The following KLHL14 variants were observed in gnomAD, a reference collection of about 807,000 sequenced individuals.
KLHL14 encodes the protein kelch like family member 14, also known as kelch-like protein 14.
A neutral mutation model predicts 64.3 loss-of-function variants in KLHL14; 22 were observed. The observed-to-expected ratio is 0.34, with a 90% CI of 0.24 to 0.49. The LOEUF is 0.49. Among genes scored for constraint, KLHL14 ranks in the 20% least tolerant of loss-of-function variants. The pLI is 0.99. For missense variants in KLHL14, 661 were observed against 789.0 expected (o/e 0.84, Z 1.94); for synonymous variants, 322 against 333.4 (o/e 0.97, Z 0.37).
At chr18:32,743,499 T>C (rs1426745447) in intron 2 of KLHL14, 1 of 152,174 alleles carries the variant, frequency 6.6e-6, no homozygotes, top group Admixed American at 6.5e-5. Flanking sequence ...TTCTGGAGAA[T>C]TGTCCATAGT....
At chr18:32,706,855 C>T (rs1276794270) in intron 3 of KLHL14, among the ~76,000 whole-genome samples, 4 of 152,100 alleles carry the variant, frequency 2.6e-5, no homozygotes, top group African/African-American at 9.7e-5. Flanking sequence ...TGCATGTCTC[C>T]TGGAGCTTGA....
chr18:32,701,469 G>C (rs1423362524), intron 3 of KLHL14, among the ~76,000 whole-genome samples: 2 of 152,176 alleles, frequency 1.3e-5, no homozygotes, highest in East Asian at 3.9e-4. Context: ...GAGAAAGCCT[G>C]TGTGTTGTGA....
chr18:32,752,955 T>TTG (rs71177874), intron 2 of KLHL14, among the ~76,000 whole-genome samples: 28,142 of 142,036 alleles, frequency 0.2, 3,400 homozygotes, highest in East Asian at 0.48. Flanking sequence ...AGCATCATAT[T>TTG]TGTGTGTGTG....
chr18:32,750,277 T>C (rs1174171226), intron 2 of KLHL14, among the ~76,000 whole-genome samples: 2 of 152,174 alleles, frequency 1.3e-5, no homozygotes, highest in African/African-American at 2.4e-5. Context: ...TAGGGGTTCA[T>C]AGCAATTTCT....
intron 2 of KLHL14, among the ~76,000 whole-genome samples, chr18:32,765,326 G>T (rs1316613092): frequency 6.6e-6 from 1 of 152,114 alleles, no homozygotes; most frequent in Admixed American, 6.5e-5. Flanking sequence ...TCATAAAAAT[G>T]GTAAAAATAC....
intron 3 of KLHL14, among the ~76,000 whole-genome samples, chr18:32,727,609 C>T (rs984776675): frequency 2.6e-5 from 4 of 152,060 alleles, no homozygotes; most frequent in African/African-American, 9.7e-5. Context: ...AGGGAAATGA[C>T]TTGGGTTTTG....
intron 2 of KLHL14, among the ~76,000 whole-genome samples, chr18:32,757,204 T>C (rs2050286485): frequency 6.6e-6 from 1 of 152,206 alleles, no homozygotes; most frequent in South Asian, 2.1e-4. Context: ...ATCCACACAC[T>C]AGAAGCGACA....
At chr18:32,750,261 G>A (rs1033637267) in intron 2 of KLHL14, among the ~76,000 whole-genome samples, 2 of 152,070 alleles carry the variant, frequency 1.3e-5, no homozygotes, top group Non-Finnish European at 1.5e-5. Context: ...ACAGGCCAGA[G>A]GATTATAGGG....
chr18:32,699,730 A>C (rs1481650382), intron 3 of KLHL14, among the ~76,000 whole-genome samples: 1 of 152,172 alleles, frequency 6.6e-6, no homozygotes, highest in Non-Finnish European at 1.5e-5. Flanking sequence ...TTTTATATTG[A>C]ATCATATTTT....
chr18:32,708,844 A>C (rs183229018), intron 3 of KLHL14, among the ~76,000 whole-genome samples: 99 of 152,316 alleles, frequency 6.5e-4, no homozygotes, highest in African/African-American at 2.3e-3. Context: ...AGACCTTCAG[A>C]GAAGGCATCC....
chr18:32,754,652 G>A (rs935193608), intron 2 of KLHL14, among the ~76,000 whole-genome samples: 92 of 152,176 alleles, frequency 6.0e-4, no homozygotes, highest in African/African-American at 2.1e-3. Flanking sequence ...GGTTCCCTGT[G>A]GGGAAACTGT....
chr18:32,741,130 C>A (rs536489060), intron 3 of KLHL14, among the ~76,000 whole-genome samples: 1 of 152,270 alleles, frequency 6.6e-6, no homozygotes, highest in South Asian at 2.1e-4. Context: ...CTATACAGCT[C>A]TGGGCAATTT....
Position 32,683,197 on chromosome 18 carries a change from C to T in KLHL14, c.1239-2598G>A, listed in dbSNP as rs1486290590. Among the ~76,000 whole-genome samples the T allele has an allele frequency of 1.3e-5, 2 of 152,126 alleles. No homozygotes were observed. Among genetic ancestry groups the T allele is most frequent in the Non-Finnish European group, 2.9e-5 (2 of 68,022 alleles). On this transcript the variant is annotated intron_variant, in intron 5 of 8. Transcript: ENST00000359358. This position sits in a 1 kb window ranked among gnomAD's most constrained non-coding sequence, Gnocchi z 4.2. The stretch of plus-strand genomic sequence containing the variant: ...TGTCAGAACCTGCTCTCTTTTCTAG[C>T]CAAGGCGTTCTTCATGCGACACTTC...
At chr18:32,704,329 A>T (rs2049979875) in intron 3 of KLHL14, among the ~76,000 whole-genome samples, 1 of 152,188 alleles carries the variant, frequency 6.6e-6, no homozygotes, top group African/African-American at 2.4e-5. Flanking sequence ...AGGATTTATA[A>T]GAGGAGTTTT....
chr18:32,722,396 GA>G (rs2144511439), intron 3 of KLHL14, among the ~76,000 whole-genome samples: 1 of 152,246 alleles, frequency 6.6e-6, no homozygotes, highest in African/African-American at 2.4e-5. Flanking sequence ...AGCTTAACCA[GA>G]AGGAACCTGG....
chr18:32,769,038 G>A (rs1233889752), intron 2 of KLHL14, among the ~76,000 whole-genome samples: 1 of 152,188 alleles, frequency 6.6e-6, no homozygotes, highest in Non-Finnish European at 1.5e-5. Flanking sequence ...GTTTGCCTGG[G>A]CACATGATAC....
chr18:32,713,099 A>T (rs752904074), intron 3 of KLHL14, among the ~76,000 whole-genome samples: 20 of 152,158 alleles, frequency 1.3e-4, no homozygotes, highest in Non-Finnish European at 2.5e-4. Context: ...GGCCACTCCC[A>T]ACAGTTTATG....
chr18:32,772,299 C>T, intron 1 of KLHL14: 2 of 352,302 alleles, frequency 5.7e-6, no homozygotes, highest in Middle Eastern at 7.5e-4. Flanking sequence ...TGGACCCTAC[C>T]CTCCCTCGCG....
intron 3 of KLHL14, among the ~76,000 whole-genome samples, chr18:32,740,061 A>AT (rs914678106): frequency 4.6e-5 from 7 of 152,106 alleles, no homozygotes; most frequent in Admixed American, 3.3e-4. Context: ...TATTTATATG[A>AT]TTTTCTCAAG....
Sources: allele counts gnomAD v4.1 joint callset (sites outside exome capture counted in the v4.1 genomes callset), GRCh38; gene constraint gnomAD v4.1.1; non-coding constraint Gnocchi (gnomAD v3.1); transcripts MANE v1.5; gene names NCBI Gene and HGNC (gene_info 2026-07-23, HGNC 2026-07-21).